ADAM10: variants seen among roughly 807,000 people sequenced by gnomAD.
ADAM10 encodes ADAM metallopeptidase domain 10.
In ADAM10, 17 loss-of-function variants were observed where a neutral mutation model predicts 90.1. The ratio of observed to expected loss-of-function variants is 0.19; its 90% CI spans 0.13 to 0.28. The LOEUF is 0.28. Ranked by LOEUF, ADAM10 falls within the 10% of genes least tolerant of loss-of-function variation. The probability of loss-of-function intolerance (pLI) is 1.00; values close to 1 mark genes in which losing one functional copy is unlikely to be tolerated. For synonymous variants in ADAM10, 310 were observed against 298.6 expected, an observed-to-expected ratio of 1.04 and a Z score of -0.40; for missense variants, 610 against 914.3, an observed-to-expected ratio of 0.67 and a Z score of 4.29.
chr15:58,645,898 G>C (rs1324328036), intron 6 of ADAM10, among the ~76,000 whole-genome samples, 157 bp downstream of exon 6: 1 of 151,988 alleles, frequency 6.6e-6, no homozygotes, highest in African/African-American at 2.4e-5. Context: ...TGGTCTTTCA[G>C]TTATCCATGT....
In ADAM10 at chr15:58,590,690, TTG is replaced by T. The variant is rs1271401520; in HGVS notation, c.*6855_*6856del. The T allele has an allele frequency of 6.6e-6, 1 of 152,190 alleles. No homozygotes were observed. Among genetic ancestry groups the T allele is most frequent in the Non-Finnish European group, 1.5e-5 (1 of 68,032 alleles). 9.4% of individuals were successfully genotyped at this position (152,190 alleles called of 1,614,324 possible). On this transcript the variant is annotated 3_prime_UTR_variant, in exon 16 of 16. Transcript: ENST00000260408. ...ACCTTAATTTATAAAAACCGGCCTG[TTG>T]TATTTAGAAACACAAAGGCTAACTC...
Position 58,689,945 on chromosome 15 carries a change from C to CCCA in ADAM10, c.207-7632_207-7631insTGG. ...CTCTGATTCCAAAACCAAAGACAGA[C>CCCA]CCCCCCCAAAAAAAAAAAAAAAAGA... On this transcript the variant is annotated intron_variant, in intron 2 of 15. Transcript: ENST00000260408. 2.4e-5 allele frequency among the ~76,000 whole-genome samples: 2 copies of CCCA among 84,672 alleles called. 1 individual carries two copies. The highest frequency in any genetic ancestry group is 1.0e-3 in the South Asian group (2 of 1,972). 55.5% of individuals were successfully genotyped at this position (84,672 alleles called of 152,430 possible).
chr15:58,593,132 A>G lies in ADAM10; in HGVS notation c.*4415T>C, dbSNP rs1316258087. The G allele has an allele frequency of 6.8e-6, 1 of 146,798 alleles. No individual in the cohort carries two copies. Among genetic ancestry groups the G allele is most frequent in the Non-Finnish European group, 1.5e-5 (1 of 66,722 alleles). The allele number at this position is 146,798 out of a possible 1,614,324, so 9.1% of individuals were successfully genotyped here. A position where few individuals can be genotyped will look rare whatever the true frequency, so the allele number is the denominator to read the frequency against. ...GTCACACACATAGAAAAAAAGTAAC[A>G]AAGGCCAGGTACTCAAATTTTTTTT... On this transcript the variant is annotated 3_prime_UTR_variant, in exon 16 of 16. Coordinates refer to ENST00000260408, the MANE Select transcript of ADAM10 (RefSeq NM_001110.4).
rs76193527 is a variant in ADAM10, at chr15:58,683,572, T to A, written c.207-1258A>T. On this transcript the variant is annotated intron_variant, in intron 2 of 15. Transcript: ENST00000260408. ...AAAGAATGTGGCATAATAAGAAATA[T>A]AAAGTTAAGCCAGGTGCAGTGGCTC... 8.1e-4 allele frequency among the ~76,000 whole-genome samples: 123 copies of A among 152,106 alleles called. 3 individuals are homozygous for A. The highest frequency in any genetic ancestry group is 2.9e-3 in the African/African-American group (121 of 41,490).
Position 58,594,189 on chromosome 15 carries a change from C to T in ADAM10, c.*3358G>A, listed in dbSNP as rs1231238681. Reference sequence around the variant, plus strand: ...GGCTTGCACCCTGGTTTTGGGAAACCTTGACCCTTTAAATATGGATAATGA... The same window carrying T: ...GGCTTGCACCCTGGTTTTGGGAAACTTTGACCCTTTAAATATGGATAATGA... On this transcript the variant is annotated 3_prime_UTR_variant, in exon 16 of 16. Transcript: ENST00000260408. The T allele has an allele frequency of 3.9e-5, 6 of 152,148 alleles. No individual in the cohort carries two copies. Among genetic ancestry groups the T allele is most frequent in the Non-Finnish European group, 8.8e-5 (6 of 68,014 alleles). 9.4% of individuals were successfully genotyped at this position (152,148 alleles called of 1,614,324 possible).
chr15:58,664,168 T>A (rs1328641523), intron 5 of ADAM10, among the ~76,000 whole-genome samples: 1 of 152,046 alleles, frequency 6.6e-6, no homozygotes, highest in East Asian at 1.9e-4. Flanking sequence ...TAACTCCTAC[T>A]TATTCTTAAG....
chr15:58,678,988 A>AT, intron 4 of ADAM10, 136 bp downstream of exon 4: 1 of 829,662 alleles, frequency 1.2e-6, no homozygotes, highest in East Asian at 2.7e-5. Flanking sequence ...TTAAATAGCA[A>AT]TTGCTAGTAA....
At position 58,597,739 on chromosome 15, in the gene ADAM10, A is replaced by C. The variant is rs1894996957; in HGVS notation, c.2153-98T>G. On this transcript the variant is annotated intron_variant, in intron 15 of 15. Coordinates refer to ENST00000260408, the MANE Select transcript of ADAM10 (RefSeq NM_001110.4). ...GTTTCAATAAGAAAGGTTTTAGTTC[A>C]GTGCTGTCCAATAATATGGGCCATC... is the stretch of plus-strand genomic sequence containing the variant. 2.2e-6 allele frequency: 3 copies of C among 1,350,668 alleles called. No homozygotes were observed. The African/African-American group carries it at 4.4e-5, about 20-fold the overall frequency. The allele number at this position is 1,350,668 out of a possible 1,614,324, so 83.7% of individuals were successfully genotyped here.
intron 2 of ADAM10, among the ~76,000 whole-genome samples, chr15:58,716,872 G>C (rs1898677754): frequency 6.6e-6 from 1 of 151,994 alleles, no homozygotes; most frequent in Non-Finnish European, 1.5e-5. Flanking sequence ...AGATCCCCAA[G>C]ATTCTGTAAG....
chr15:58,610,765 G>A (rs1895416907), intron 13 of ADAM10: 1 of 632,876 alleles, frequency 1.6e-6, no homozygotes, highest in African/African-American at 1.8e-5. Flanking sequence ...CAGTGTTTAT[G>A]TAAATTACTG....
intron 2 of ADAM10, among the ~76,000 whole-genome samples, chr15:58,686,957 C>A (rs1897619984): frequency 6.6e-6 from 1 of 152,156 alleles, no homozygotes; most frequent in Non-Finnish European, 1.5e-5. Context: ...ATGTATGTTT[C>A]ATTTACTGGA....
rs145200172 is a variant in ADAM10 at position 58,631,625 on chromosome 15, T to C, written c.1176+1571A>G. Among the ~76,000 whole-genome samples the C allele has an allele frequency of 9.5e-3, 1,448 of 152,262 alleles. 21 individuals are homozygous for C. Among genetic ancestry groups the C allele is most frequent in the African/African-American group, 0.033 (1,370 of 41,544 alleles). Reference sequence around the variant, plus strand: ...TTTTAAGATTCTCAGGTGATGTATATGCACATAAAAATGAGTGACCTGGGA... The same window carrying C: ...TTTTAAGATTCTCAGGTGATGTATACGCACATAAAAATGAGTGACCTGGGA... On this transcript the variant is annotated intron_variant, in intron 9 of 15. Coordinates refer to ENST00000260408, the MANE Select transcript of ADAM10 (RefSeq NM_001110.4).
At chr15:58,655,721 A>ATATATATATATATATG (rs1566982432) in intron 5 of ADAM10, among the ~76,000 whole-genome samples, 26 of 80,530 alleles carry the variant, frequency 3.2e-4, no homozygotes, top group Non-Finnish European at 5.8e-4. Context: ...GTATATATAT[A>ATATATATATATATATG]TATATATATA....
intron 2 of ADAM10, among the ~76,000 whole-genome samples, chr15:58,715,530 A>G (rs1175854629): frequency 2.6e-5 from 4 of 152,142 alleles, no homozygotes; most frequent in Admixed American, 6.6e-5. Flanking sequence ...CCTCCTTTGA[A>G]TATCTATAGC....
chr15:58,729,199 T>A (rs1057040464), intron 1 of ADAM10, among the ~76,000 whole-genome samples: 3 of 151,838 alleles, frequency 2.0e-5, no homozygotes, highest in South Asian at 4.2e-4. Context: ...CTCTATTTTT[T>A]AAAAAAAAGA....
intron 2 of ADAM10, chr15:58,692,701 A>T (rs755518222): frequency 1.8e-6 from 1 of 564,356 alleles, no homozygotes; most frequent in Non-Finnish European, 3.5e-6. Flanking sequence ...GTCAACATGT[A>T]AAGTGAAGGA....
chr15:58,741,919 C>A (rs1446825681), intron 1 of ADAM10, among the ~76,000 whole-genome samples: 5 of 152,152 alleles, frequency 3.3e-5, no homozygotes, highest in Non-Finnish European at 5.9e-5. Context: ...TTTCCTGACA[C>A]AGACTATCGA....
At chr15:58,636,670 G>C (rs1896263406) in intron 8 of ADAM10, among the ~76,000 whole-genome samples, 1 of 152,116 alleles carries the variant, frequency 6.6e-6, no homozygotes, top group Non-Finnish European at 1.5e-5. Flanking sequence ...AGGATAGTTT[G>C]AGAGCTAAAG....
At chr15:58,661,061 A>G (rs1181136052) in intron 5 of ADAM10, among the ~76,000 whole-genome samples, 1 of 152,256 alleles carries the variant, frequency 6.6e-6, no homozygotes, top group African/African-American at 2.4e-5. Context: ...ACATCACTTC[A>G]CAAATTGTTT....
Sources: gnomAD v4.1 joint callset for allele counts (sites outside exome capture counted in the v4.1 genomes callset) on GRCh38, gnomAD v4.1.1 for gene constraint, MANE v1.5 for transcripts, NCBI Gene and HGNC (gene_info 2026-07-23, HGNC 2026-07-21) for gene names.